Variants in CNGB3 observed in about 807,000 individuals in gnomAD.
CNGB3 encodes the protein cyclic nucleotide gated channel subunit beta 3.
A neutral mutation model predicts 92.8 loss-of-function variants in CNGB3; 86 were observed. The observed-to-expected ratio is 0.93, with a 90% CI of 0.78 to 1.11. CNGB3 has a LOEUF of 1.11. CNGB3 is among the 50% of genes least tolerant of loss of function. CNGB3 has a pLI of 0.00. For synonymous variants in CNGB3, 333 were observed against 332.7 expected (o/e 1.00, Z -0.01); for missense variants, 1,026 against 956.8 (o/e 1.07, Z -0.95).
chr8:86,599,737 C>T (rs996204140), intron 15 of CNGB3, among the ~76,000 whole-genome samples: 5 of 152,096 alleles, frequency 3.3e-5, no homozygotes, highest in South Asian at 4.2e-4. Flanking sequence ...TTGGTCAGAC[C>T]GGTTGTCTGC....
In CNGB3 at chr8:86,589,075, G is replaced by A. The variant is rs1469978328; in HGVS notation, c.1782-9823C>T. Among the ~76,000 whole-genome samples, 76 of 152,004 alleles carry A rather than the reference G, an allele frequency of 5.0e-4. 1 individual carries two copies. The highest frequency in any genetic ancestry group is 1.7e-3 in the African/African-American group (70 of 41,460). ...TCCTGGTTTAGTCTTGGGAGAGTGT[G>A]TGTGTCAAGGAATTTATCCATTTCT... is the stretch of plus-strand genomic sequence containing the variant. On this transcript the variant is annotated intron_variant, in intron 15 of 17. Coordinates refer to ENST00000320005, the MANE Select transcript of CNGB3 (RefSeq NM_019098.5).
At chr8:86,617,000 C>G (rs1344712491) in intron 13 of CNGB3, among the ~76,000 whole-genome samples, 1 of 152,136 alleles carries the variant, frequency 6.6e-6, no homozygotes, top group Non-Finnish European at 1.5e-5. Context: ...AATGGGCTGA[C>G]ATATAGAATG....
intron 6 of CNGB3, among the ~76,000 whole-genome samples, chr8:86,654,934 TATC>T (rs576718317): frequency 1.9e-3 from 290 of 152,288 alleles, no homozygotes; most frequent in Non-Finnish European, 3.7e-3. Flanking sequence ...CTTCCACTAA[TATC>T]ACTTTCTTGA....
intron 17 of CNGB3, among the ~76,000 whole-genome samples, chr8:86,578,002 C>T (rs904562375): frequency 6.6e-6 from 1 of 151,988 alleles, no homozygotes; most frequent in African/African-American, 2.4e-5. Flanking sequence ...CTTTGCCTCC[C>T]GGATTCAAGC....
chr8:86,613,356 A>G (rs1309852819), intron 13 of CNGB3, among the ~76,000 whole-genome samples: 2 of 152,228 alleles, frequency 1.3e-5, no homozygotes, highest in Non-Finnish European at 2.9e-5. Context: ...CAAGTGCTTA[A>G]TTTCTTTAAA....
chr8:86,684,656 CAA>C (rs34942527), intron 3 of CNGB3, among the ~76,000 whole-genome samples: 81 of 122,416 alleles, frequency 6.6e-4, no homozygotes, highest in Middle Eastern at 4.2e-3. Flanking sequence ...ATACTTAAGC[CAA>C]AAAAAAAAAA....
At chr8:86,730,095 G>A (rs1339830945) in intron 2 of CNGB3, among the ~76,000 whole-genome samples, 1 of 152,186 alleles carries the variant, frequency 6.6e-6, no homozygotes, top group African/African-American at 2.4e-5. Flanking sequence ...CCACACACCA[G>A]GCTGATTCCA....
intron 15 of CNGB3, among the ~76,000 whole-genome samples, chr8:86,592,864 A>G (rs374071876): frequency 2.0e-5 from 3 of 152,152 alleles, no homozygotes; most frequent in Admixed American, 2.0e-4. Flanking sequence ...TTTTTCTGAG[A>G]TATCCTTTCA....
intron 6 of CNGB3, chr8:86,658,455 C>G (rs1236871368): frequency 1.2e-5 from 5 of 408,052 alleles, no homozygotes; most frequent in South Asian, 2.4e-5. Context: ...CTCCTGCAAC[C>G]CTTGGCAGGC....
chr8:86,578,576 G>A, intron 17 of CNGB3, 113 bp downstream of exon 17: 2 of 991,114 alleles, frequency 2.0e-6, no homozygotes, highest in South Asian at 2.6e-5. Context: ...ATTAGTATTA[G>A]ATTAGTCCAA....
At chr8:86,694,420 G>C (rs1481060276) in intron 3 of CNGB3, among the ~76,000 whole-genome samples, 4 of 151,282 alleles carry the variant, frequency 2.6e-5, no homozygotes, top group African/African-American at 9.7e-5. Flanking sequence ...CCTCCCTCCC[G>C]GACGGGGTGG....
At chr8:86,623,013 G>A (rs1822771947) in intron 13 of CNGB3, among the ~76,000 whole-genome samples, 1 of 152,090 alleles carries the variant, frequency 6.6e-6, no homozygotes, top group Non-Finnish European at 1.5e-5. Flanking sequence ...GAGTGACTAT[G>A]CCTAACCATT....
chr8:86,681,957 G>C lies in CNGB3; in HGVS notation c.339-10859C>G, dbSNP rs115523044. Among the ~76,000 whole-genome samples, 703 of 152,236 alleles carry C rather than the reference G, an allele frequency of 4.6e-3. 4 individuals carry two copies. Among genetic ancestry groups the C allele is most frequent in the African/African-American group, 0.016 (662 of 41,538 alleles). ...AGAAAGCAGCAAATTCCATTTTTGT[G>C]TCAGCTATTCAGTGGTGGCTTCTTC... On this transcript the variant is annotated intron_variant, in intron 3 of 17. Coordinates refer to ENST00000320005, the MANE Select transcript of CNGB3 (RefSeq NM_019098.5).
intron 10 of CNGB3, among the ~76,000 whole-genome samples, chr8:86,637,974 G>A (rs537401649): frequency 1.3e-5 from 2 of 152,164 alleles, no homozygotes; most frequent in Admixed American, 6.5e-5. Flanking sequence ...AAATGAAATC[G>A]TACAGTATAT....
intron 3 of CNGB3, among the ~76,000 whole-genome samples, chr8:86,684,799 G>A (rs1441238): frequency 0.69 from 104,532 of 151,968 alleles, 36,696 homozygotes; most frequent in African/African-American, 0.83. Flanking sequence ...TAACAAAATT[G>A]TAGAGATGGA....
At chr8:86,737,334 T>C (rs1363373519) in intron 2 of CNGB3, among the ~76,000 whole-genome samples, 1 of 152,162 alleles carries the variant, frequency 6.6e-6, no homozygotes, top group African/African-American at 2.4e-5. Flanking sequence ...TTTATAATAT[T>C]ATCCTCCCAA....
At chr8:86,579,001 C>T (rs1053147663) in intron 16 of CNGB3, 105 bp downstream of exon 16, 1 of 1,541,760 alleles carries the variant, frequency 6.5e-7, no homozygotes, top group African/African-American at 1.4e-5. Context: ...AAGCATATCT[C>T]ACTGTGATCA....
At chr8:86,587,949 A>C (rs1167308439) in intron 15 of CNGB3, among the ~76,000 whole-genome samples, 2 of 151,596 alleles carry the variant, frequency 1.3e-5, no homozygotes, top group African/African-American at 4.9e-5. Flanking sequence ...TTTTCACGAT[A>C]TTGATTCTTC....
At chr8:86,620,248 A>G (rs531333163) in intron 13 of CNGB3, among the ~76,000 whole-genome samples, 13 of 152,338 alleles carry the variant, frequency 8.5e-5, no homozygotes, top group African/African-American at 3.1e-4. Flanking sequence ...TTAGTTTGTT[A>G]GGGCTGCCAT....
Sources: gnomAD v4.1 joint callset for allele counts (sites outside exome capture counted in the v4.1 genomes callset) on GRCh38, gnomAD v4.1.1 for gene constraint, MANE v1.5 for transcripts, NCBI Gene and HGNC (gene_info 2026-07-23, HGNC 2026-07-21) for gene names.